The following DNA2 variants were observed in gnomAD, a reference collection of about 807,000 sequenced individuals.
DNA2 encodes the protein DNA replication helicase/nuclease 2.
In DNA2, 101 loss-of-function variants were observed where a neutral mutation model predicts 119.1. That is an observed-to-expected ratio of 0.85 (90% CI 0.72 to 1.00). The LOEUF is 1.00. Among genes scored for constraint, DNA2 ranks in the 50% least tolerant of loss-of-function variants. The pLI, the probability that DNA2 is intolerant of heterozygous loss-of-function variation, is 0.00. For synonymous variants in DNA2, 366 were observed against 424.4 expected (o/e 0.86, Z 1.69); for missense variants, 1,121 against 1,255.5 (o/e 0.89, Z 1.62).
intron 6 of DNA2, among the ~76,000 whole-genome samples, chr10:68,449,519 G>A (rs1478323188): frequency 6.6e-6 from 1 of 152,138 alleles, no homozygotes; most frequent in Non-Finnish European, 1.5e-5. Flanking sequence ...GCTCACACCT[G>A]TAATTCCAGC....
intron 18 of DNA2, 59 bp downstream of exon 18, chr10:68,419,744 G>T: frequency 7.8e-7 from 1 of 1,274,986 alleles, no homozygotes; most frequent in Non-Finnish European, 1.1e-6. Context: ...GTGTCTTACA[G>T]TCTAACATTC....
intron 9 of DNA2, among the ~76,000 whole-genome samples, chr10:68,437,467 T>C (rs543895985): frequency 1.4e-5 from 2 of 146,872 alleles, no homozygotes; most frequent in African/African-American, 5.3e-5. Flanking sequence ...GAAAACCCTA[T>C]CTCTACTAAA....
At chr10:68,451,230 A>C (rs1239822249) in intron 5 of DNA2, among the ~76,000 whole-genome samples, 1 of 152,110 alleles carries the variant, frequency 6.6e-6, no homozygotes. Flanking sequence ...GTCACTTCCA[A>C]GTGTTCCATT....
intron 14 of DNA2, chr10:68,424,958 CA>C: frequency 1.5e-6 from 1 of 651,382 alleles, no homozygotes; most frequent in Non-Finnish European, 2.9e-6. Flanking sequence ...AAGAGAAAGG[CA>C]AATATAAGGA....
chr10:68,436,614 G>C (rs1415489467), intron 10 of DNA2, among the ~76,000 whole-genome samples: 1 of 152,088 alleles, frequency 6.6e-6, no homozygotes, highest in Non-Finnish European at 1.5e-5. Context: ...AAAATAAAAA[G>C]AATGAAATGC....
intron 4 of DNA2, among the ~76,000 whole-genome samples, chr10:68,462,141 C>T (rs2052267915): frequency 6.6e-6 from 1 of 152,070 alleles, no homozygotes; most frequent in Non-Finnish European, 1.5e-5. Flanking sequence ...GAAGCCAAGA[C>T]GAGTGGATCA....
rs1340148852 is a variant in DNA2, at chr10:68,422,553, A to G, written c.2454T>C (p.Ser818=). The change falls in exon 16 of 21, where the codon AGT becomes AGC. Residue 818 remains serine, a synonymous_variant. Coordinates refer to ENST00000358410, the MANE Select transcript of DNA2 (RefSeq NM_001080449.3). ...SLFKRLEQNK[S]AVVQLTVQYR... is the part of the protein sequence containing the mutation. ...ACTGCACGGTTAACTGTACAACAGC[A>G]CTCTTATTCTGCTCCAGCCTCTTGA... The G allele has an allele frequency of 4.3e-6, 7 of 1,613,838 alleles. No individual in the cohort carries two copies.
At chr10:68,461,770 G>C (rs1217188508) in intron 4 of DNA2, among the ~76,000 whole-genome samples, 1 of 150,306 alleles carries the variant, frequency 6.7e-6, no homozygotes, top group African/African-American at 2.5e-5. Context: ...GGAGGTTTCG[G>C]TGAGCTGAGA....
intron 10 of DNA2, 90 bp from the exon 11 acceptor site, chr10:68,432,600 G>A: frequency 1.3e-6 from 1 of 760,150 alleles, no homozygotes; most frequent in Admixed American, 2.8e-5. Context: ...AGAATGAATG[G>A]GCCAGAATAG....
chr10:68,453,891 A>T (rs951005628), intron 5 of DNA2, among the ~76,000 whole-genome samples: 2 of 152,218 alleles, frequency 1.3e-5, no homozygotes, highest in African/African-American at 4.8e-5. Flanking sequence ...TTAAGCTAGC[A>T]TGAGTGCATT....
chr10:68,472,486 G>C (rs1052231920), upstream of DNA2, among the ~76,000 whole-genome samples: 4 of 152,168 alleles, frequency 2.6e-5, no homozygotes, highest in Admixed American at 6.6e-5. Flanking sequence ...TGTAATCCCA[G>C]CACTTCGGAA....
At chr10:68,426,946 C>A (rs908352651) in intron 14 of DNA2, among the ~76,000 whole-genome samples, 1 of 152,160 alleles carries the variant, frequency 6.6e-6, no homozygotes, top group Non-Finnish European at 1.5e-5. Flanking sequence ...CTGCAAACCA[C>A]ATATCCATTA....
chr10:68,425,420 A>T, intron 14 of DNA2, among the ~76,000 whole-genome samples: 1 of 124,584 alleles, frequency 8.0e-6, no homozygotes. Context: ...TTTTTTTTTG[A>T]GATGGAGTCT....
intron 2 of DNA2, 134 bp downstream of exon 2, chr10:68,469,847 C>G: frequency 1.3e-6 from 1 of 778,414 alleles, no homozygotes; most frequent in East Asian, 2.9e-5. Flanking sequence ...AATTTTCATG[C>G]AGAATTAGGC....
At chr10:68,468,753 G>A (rs1432864799) in intron 2 of DNA2, among the ~76,000 whole-genome samples, 4 of 152,044 alleles carry the variant, frequency 2.6e-5, no homozygotes, top group East Asian at 1.9e-4. Flanking sequence ...AAATCAAACT[G>A]AACTAGTTGA....
chr10:68,440,051 C>T lies in DNA2; in HGVS notation c.1416-2810G>A, dbSNP rs184290401. Among the ~76,000 whole-genome samples, 804 of 151,840 alleles carry T rather than the reference C, an allele frequency of 5.3e-3. 2 individuals are homozygous for T. The highest frequency in any genetic ancestry group is 8.4e-3 in the Non-Finnish European group (568 of 67,952). On this transcript the variant is annotated intron_variant, in intron 9 of 20. Coordinates refer to ENST00000358410, the MANE Select transcript of DNA2 (RefSeq NM_001080449.3). ...GGGTGCAGTGGCTCACACCTATAAT[C>T]CCAGCATTTTGGGAGGCTGAGGTGG...
chr10:68,422,365 C>G lies in DNA2; in HGVS notation c.2557G>C (p.Val853Leu). The G allele has an allele frequency of 6.2e-7, 1 of 1,613,908 alleles. No homozygotes were observed. The highest frequency in any genetic ancestry group is 8.5e-7 in the Non-Finnish European group (1 of 1,179,886). The change falls in exon 17 of 21, where the codon GTG becomes CTG. Residue 853 changes from valine (V) to leucine (L), a missense_variant. Physicochemically the swap from Val to Leu is conservative, Grantham distance 32. Transcript: ENST00000358410. Reference sequence around the variant, plus strand: ...CGTAGGTTTATCACTGCATTGGCCACTTTGTCTGATCCACACTCCAGCTTG... The same window carrying G: ...CGTAGGTTTATCACTGCATTGGCCAGTTTGTCTGATCCACACTCCAGCTTG... ...EGKLECGSDK[V>L]ANAVINLRHF... is the part of the protein sequence containing the mutation.
chr10:68,422,945 G>T, intron 14 of DNA2, 55 bp from the exon 15 acceptor site: 1 of 1,309,982 alleles, frequency 7.6e-7, no homozygotes. Flanking sequence ...ATGTAGTTTT[G>T]TTTCTCTCAT....
intron 19 of DNA2, among the ~76,000 whole-genome samples, chr10:68,417,412 ACAC>A (rs2051605940): frequency 6.9e-6 from 1 of 145,848 alleles, no homozygotes; most frequent in Non-Finnish European, 1.5e-5. Context: ...AAAAAAAAAA[ACAC>A]TATTTGGGAG....
Sources: gnomAD v4.1 joint callset for allele counts (sites outside exome capture counted in the v4.1 genomes callset) on GRCh38, gnomAD v4.1.1 for gene constraint, MANE v1.5 for transcripts, NCBI Gene and HGNC (gene_info 2026-07-23, HGNC 2026-07-21) for gene names.